Variants in SLC35F1 observed in about 807,000 individuals in gnomAD.
SLC35F1 encodes the protein solute carrier family 35 member F1.
A neutral mutation model predicts 48.7 loss-of-function variants in SLC35F1; 14 were observed. That is an observed-to-expected ratio of 0.29 (90% CI 0.19 to 0.45). SLC35F1 has a LOEUF of 0.45. Among genes scored for constraint, SLC35F1 ranks in the 20% least tolerant of loss-of-function variants. The pLI is 1.00. For synonymous variants in SLC35F1, 190 were observed against 202.2 expected (o/e 0.94, Z 0.51); for missense variants, 404 against 500.0 (o/e 0.81, Z 1.83).
Position 118,049,042 on chromosome 6 carries a change from C to T in SLC35F1, c.174-105403C>T, listed in dbSNP as rs553065651. On this transcript the variant is annotated intron_variant, in intron 1 of 7. Transcript: ENST00000360388. ...TATAGATCAATGGAACAGAACAGAG[C>T]CCTCAGAAATAATGCCGCATATCTA... is the stretch of plus-strand genomic sequence containing the variant. Among the ~76,000 whole-genome samples the T allele has an allele frequency of 9.1e-3, 1,389 of 152,096 alleles. 15 individuals are homozygous for T. Among genetic ancestry groups the T allele is most frequent in the South Asian group, 0.035 (168 of 4,804 alleles).
intron 2 of SLC35F1, among the ~76,000 whole-genome samples, chr6:118,173,543 T>G (rs968442630): frequency 5.9e-5 from 9 of 152,168 alleles, no homozygotes; most frequent in African/African-American, 1.7e-4. Flanking sequence ...CACCTAGTGC[T>G]GGGCATGTGA....
intron 1 of SLC35F1, among the ~76,000 whole-genome samples, chr6:118,006,189 G>T (rs1777172192): frequency 6.6e-6 from 1 of 152,022 alleles, no homozygotes; most frequent in African/African-American, 2.4e-5. Flanking sequence ...CATTCATAAA[G>T]TATCTAGTAA....
intron 1 of SLC35F1, among the ~76,000 whole-genome samples, chr6:117,947,020 C>A (rs1776303924): frequency 1.3e-5 from 2 of 151,868 alleles, no homozygotes; most frequent in African/African-American, 4.8e-5. Flanking sequence ...GGAAGATAGA[C>A]AATAATAAGG....
At chr6:117,977,142 C>T (rs1352292502) in intron 1 of SLC35F1, among the ~76,000 whole-genome samples, 1 of 151,720 alleles carries the variant, frequency 6.6e-6, no homozygotes, top group Non-Finnish European at 1.5e-5. Flanking sequence ...AGGACAGATT[C>T]CTAGAAGTGG....
intron 1 of SLC35F1, among the ~76,000 whole-genome samples, chr6:118,099,295 C>G (rs778275749): frequency 3.3e-5 from 5 of 152,174 alleles, no homozygotes; most frequent in Non-Finnish European, 7.3e-5. Flanking sequence ...TGCTAGACAC[C>G]ACTGCCAAAG....
chr6:118,163,081 C>T (rs1774263032), intron 2 of SLC35F1, among the ~76,000 whole-genome samples: 1 of 151,882 alleles, frequency 6.6e-6, no homozygotes, highest in Non-Finnish European at 1.5e-5. Context: ...CCTGCCTCAG[C>T]CTCCTGAGTA....
chr6:118,098,829 T>A (rs2114359980), intron 1 of SLC35F1, among the ~76,000 whole-genome samples: 1 of 152,314 alleles, frequency 6.6e-6, no homozygotes, highest in South Asian at 2.1e-4. Context: ...TTTATTTTTA[T>A]ATATATTTTA....
At chr6:118,154,800 T>C (rs1404630664) in intron 2 of SLC35F1, among the ~76,000 whole-genome samples, 180 bp downstream of exon 2, 6 of 152,162 alleles carry the variant, frequency 3.9e-5, no homozygotes, top group Non-Finnish European at 7.3e-5. Flanking sequence ...ACAAAGAAAA[T>C]TAATCATATG....
chr6:118,182,284 G>A (rs1455871114), intron 2 of SLC35F1, among the ~76,000 whole-genome samples: 1 of 151,648 alleles, frequency 6.6e-6, no homozygotes, highest in African/African-American at 2.4e-5. Context: ...CCAGGAACTC[G>A]AGACCAGCAT....
chr6:118,241,578 C>CGTGTGTGTGT (rs10570595), intron 3 of SLC35F1, among the ~76,000 whole-genome samples: 2 of 147,278 alleles, frequency 1.4e-5, no homozygotes, highest in African/African-American at 5.0e-5. Flanking sequence ...TTTTTACCTT[C>CGTGTGTGTGT]GTGTGTGTGT....
intron 7 of SLC35F1, among the ~76,000 whole-genome samples, chr6:118,311,040 C>T (rs1776366396): frequency 6.6e-6 from 1 of 152,124 alleles, no homozygotes; most frequent in Non-Finnish European, 1.5e-5. Context: ...ATTTCAATTG[C>T]CAAATCCTGC....
chr6:118,183,516 A>T (rs1207161575), intron 2 of SLC35F1, among the ~76,000 whole-genome samples: 1 of 152,058 alleles, frequency 6.6e-6, no homozygotes, highest in Admixed American at 6.5e-5. Context: ...TTAAATTAAA[A>T]AAAAAGAAAT....
At chr6:118,027,718 A>G (rs1479329516) in intron 1 of SLC35F1, among the ~76,000 whole-genome samples, 1 of 151,926 alleles carries the variant, frequency 6.6e-6, no homozygotes, top group Non-Finnish European at 1.5e-5. Context: ...ACCTTGTCAG[A>G]TACTGTTTAC....
chr6:118,236,472 C>A (rs1328792564), intron 3 of SLC35F1, among the ~76,000 whole-genome samples: 2 of 152,122 alleles, frequency 1.3e-5, no homozygotes, highest in Non-Finnish European at 2.9e-5. Flanking sequence ...ATACTTCCTG[C>A]CATCTTGTCT....
chr6:118,149,432 T>C (rs1774022883), intron 1 of SLC35F1, among the ~76,000 whole-genome samples: 1 of 152,176 alleles, frequency 6.6e-6, no homozygotes. Context: ...AAAGAGAATT[T>C]GATCAGGGCA....
chr6:118,206,042 G>A (rs997777047), intron 2 of SLC35F1, among the ~76,000 whole-genome samples: 2 of 152,170 alleles, frequency 1.3e-5, no homozygotes, highest in South Asian at 4.1e-4. Flanking sequence ...GATAATGACA[G>A]AGTTTTGGGT....
chr6:118,112,069 T>TCTTTCTTTATTTCTTTCTTTTC (rs1491034013), intron 1 of SLC35F1, among the ~76,000 whole-genome samples: 1 of 141,668 alleles, frequency 7.1e-6, no homozygotes, highest in African/African-American at 3.1e-5. Flanking sequence ...TCTTTCTTTC[T>TCTTTCTTTATTTCTTTCTTTTC]TTTTCTTTAT....
At chr6:118,297,622 T>TTTTATATATATA (rs1562354581) in intron 7 of SLC35F1, among the ~76,000 whole-genome samples, 1 of 96,930 alleles carries the variant, frequency 1.0e-5, no homozygotes, top group African/African-American at 4.5e-5. Context: ...TTCTCAGAAC[T>TTTTATATATATA]TATATATATA....
Position 118,314,477 on chromosome 6 carries a change from A to G in SLC35F1, c.*225A>G. On this transcript the variant is annotated 3_prime_UTR_variant, in exon 8 of 8. Coordinates refer to ENST00000360388, the MANE Select transcript of SLC35F1 (RefSeq NM_001029858.4). ...GGATGCCTAGCTAACGTGTATCCTG[A>G]TCACAACTCCCCTGCATTCATTACT... The G allele has an allele frequency of 3.6e-6, 2 of 557,588 alleles. No homozygotes were observed. The highest frequency in any genetic ancestry group is 6.4e-6 in the Non-Finnish European group (2 of 311,332). The allele number at this position is 557,588 out of a possible 1,614,324, so 34.5% of individuals were successfully genotyped here. A position where few individuals can be genotyped will look rare whatever the true frequency, so the allele number is the denominator to read the frequency against.
Sources: allele counts gnomAD v4.1 joint callset (sites outside exome capture counted in the v4.1 genomes callset), GRCh38; gene constraint gnomAD v4.1.1; transcripts MANE v1.5; gene names NCBI Gene and HGNC (gene_info 2026-07-23, HGNC 2026-07-21).